AP3B2: variants seen among roughly 807,000 people sequenced by gnomAD.
The protein encoded by AP3B2 is AP-3 complex subunit beta-2.
AP3B2 carries 50 observed loss-of-function variants against 126.9 expected under a neutral mutation model. That is an observed-to-expected ratio of 0.39 (90% CI 0.31 to 0.50). The LOEUF is 0.50. Among genes scored for constraint, AP3B2 ranks in the 20% least tolerant of loss-of-function variants. The pLI is 0.79. For synonymous variants in AP3B2, 541 were observed against 565.0 expected (o/e 0.96, Z 0.60); for missense variants, 1,177 against 1,426.4 (o/e 0.83, Z 2.82).
At chr15:82,679,668 T>A in intron 10 of AP3B2, 61 bp downstream of exon 10, 1 of 1,502,692 alleles carries the variant, frequency 6.7e-7, no homozygotes, top group South Asian at 1.1e-5. Flanking sequence ...TGTGAGTTAT[T>A]TGAGTGGGTA....
intron 4 of AP3B2, chr15:82,688,323 G>T: frequency 1.5e-6 from 1 of 657,386 alleles, no homozygotes; most frequent in South Asian, 1.6e-5. Flanking sequence ...CAAAAGGTGA[G>T]AATGGTGTGG....
intron 14 of AP3B2, 126 bp downstream of exon 14, chr15:82,676,335 C>T: frequency 9.9e-7 from 1 of 1,010,070 alleles, no homozygotes. Flanking sequence ...GACCAGCCAC[C>T]TTCCCTGATT....
intron 1 of AP3B2, among the ~76,000 whole-genome samples, chr15:82,691,414 C>T (rs147724864): frequency 6.6e-6 from 1 of 152,116 alleles, no homozygotes; most frequent in African/African-American, 2.4e-5. Flanking sequence ...CAGAATGGGC[C>T]AACTCAGTCA....
At chr15:82,667,284 G>A (rs976433090) in intron 14 of AP3B2, among the ~76,000 whole-genome samples, 2 of 152,178 alleles carry the variant, frequency 1.3e-5, no homozygotes, top group Admixed American at 6.5e-5. Context: ...AGGGCAGCAG[G>A]GTATGTGGAA....
At chr15:82,671,966 C>A (rs2048166502) in intron 14 of AP3B2, among the ~76,000 whole-genome samples, 1 of 152,034 alleles carries the variant, frequency 6.6e-6, no homozygotes, top group Non-Finnish European at 1.5e-5. Flanking sequence ...ATCGTTTGAA[C>A]CTGGGAGGCG....
rs1300685482 is a variant in AP3B2, at chr15:82,688,890, C to G, written c.265-59G>C. 5 of 1,479,198 alleles carry G rather than the reference C, an allele frequency of 3.4e-6. No individual in the cohort carries two copies. In the East Asian group the frequency reaches 7.3e-5, roughly 22 times the overall value. 91.6% of individuals were successfully genotyped at this position (1,479,198 alleles called of 1,614,324 possible). A position where few individuals can be genotyped will look rare whatever the true frequency, so the allele number is the denominator to read the frequency against. ...CTCAGCAGGCACCTGTGCCCACCCC[C>G]CTACCCCTGGGATGTCATCTCCCCA... On this transcript the variant is annotated intron_variant, in intron 3 of 26. Transcript: ENST00000535359.
chr15:82,699,728 G>A lies in AP3B2; in HGVS notation c.113+9866C>T, dbSNP rs901646815. 1.3e-5 allele frequency: 5 copies of A among 399,444 alleles called. 1 individual carries two copies. In the Admixed American group the frequency reaches 1.3e-4, roughly 11 times the overall value. 24.7% of individuals were successfully genotyped at this position (399,444 alleles called of 1,614,324 possible). On this transcript the variant is annotated intron_variant, in intron 1 of 26. Coordinates refer to ENST00000535359, the MANE Select transcript of AP3B2 (RefSeq NM_001278512.2). ...TCTTCCTCCTGGGCCTGCAGCCACC[G>A]AAGCTCCTCAGGCTCCAAGGCCTGG...
At chr15:82,709,174 G>A (rs1011664367) in intron 1 of AP3B2, among the ~76,000 whole-genome samples, 6 of 152,038 alleles carry the variant, frequency 3.9e-5, no homozygotes, top group Admixed American at 1.3e-4. Context: ...TACATCCAGG[G>A]CCCGCCTTCC....
intron 14 of AP3B2, among the ~76,000 whole-genome samples, chr15:82,675,722 TTATTACAAA>T (rs1294516614): frequency 6.6e-6 from 1 of 152,194 alleles, no homozygotes; most frequent in Admixed American, 6.5e-5. Context: ...CAACAAAACT[TTATTACAAA>T]AACAGGAATA....
Position 82,665,483 on chromosome 15 carries a change from G to A in AP3B2, c.1945C>T (p.Pro649Ser), listed in dbSNP as rs2048041707. The change falls in exon 16 of 27, where the codon CCA (proline) becomes TCA (serine). Residue 649 changes from proline to serine, a missense_variant. Physicochemically the swap from Pro to Ser is moderately conservative, Grantham distance 74. Transcript: ENST00000535359. The surrounding 1 kb of genome is among the most constrained non-coding windows in gnomAD (Gnocchi z 4.4). ...QELPDWPEEAPDPSVRNVEEE... is the reference protein window; with the variant it reads ...QELPDWPEEASDPSVRNVEEE... ...TCCACGTTGCGCACAGATGGGTCTG[G>A]GGCTTCCTCCGGCCAGTCTGGGAGC... 8 of 1,613,480 alleles carry A rather than the reference G, an allele frequency of 5.0e-6. No individual in the cohort carries two copies. Among genetic ancestry groups the A allele is most frequent in the Non-Finnish European group, 5.9e-6 (7 of 1,179,840 alleles).
rs936923432 is a variant in AP3B2 at position 82,665,813 on chromosome 15, T to C, written c.1853-238A>G. 2.6e-5 allele frequency among the ~76,000 whole-genome samples: 4 copies of C among 152,112 alleles called. No individual in the cohort carries two copies. Among genetic ancestry groups the C allele is most frequent in the Non-Finnish European group, 5.9e-5 (4 of 68,012 alleles). ...GACTGAGGGCCAGGGAAAGGCAGCC[T>C]ACAGAGGTGGGCAGGAGGAGACTCT... On this transcript the variant is annotated intron_variant, in intron 15 of 26. Coordinates refer to ENST00000535359, the MANE Select transcript of AP3B2 (RefSeq NM_001278512.2). The surrounding 1 kb of genome is among the most constrained non-coding windows in gnomAD (Gnocchi z 4.4).
chr15:82,662,307 G>C (rs1298689051), intron 23 of AP3B2, 55 bp from the exon 24 acceptor site: 3 of 1,350,640 alleles, frequency 2.2e-6, no homozygotes, highest in Non-Finnish European at 3.1e-6. Flanking sequence ...CACCTGATAG[G>C]TCTAGAACCC....
chr15:82,690,999 C>T (rs1465706124), intron 1 of AP3B2, among the ~76,000 whole-genome samples: 1 of 152,180 alleles, frequency 6.6e-6, no homozygotes, highest in African/African-American at 2.4e-5. Flanking sequence ...GTTCTTAATC[C>T]AGTCTATCAC....
At chr15:82,701,017 C>T (rs2048713062) in intron 1 of AP3B2, among the ~76,000 whole-genome samples, 2 of 152,064 alleles carry the variant, frequency 1.3e-5, no homozygotes, top group Admixed American at 1.3e-4. Flanking sequence ...TGCGTTACCA[C>T]AACTGGCTAA....
At chr15:82,699,408 C>A (rs1004761283) in intron 1 of AP3B2, among the ~76,000 whole-genome samples, 8 of 152,142 alleles carry the variant, frequency 5.3e-5, no homozygotes, top group Admixed American at 3.3e-4. Flanking sequence ...TATCCTCCTC[C>A]CCTCAGAGCC....
At chr15:82,683,061 T>TC (rs1555467277) in intron 4 of AP3B2, among the ~76,000 whole-genome samples, 2 of 136,818 alleles carry the variant, frequency 1.5e-5, no homozygotes, top group African/African-American at 5.5e-5. Context: ...TTTTTTTTTT[T>TC]TTTTTTTTTT....
chr15:82,676,147 GC>G (rs781219958), intron 14 of AP3B2, among the ~76,000 whole-genome samples: 1 of 152,168 alleles, frequency 6.6e-6, no homozygotes, highest in Admixed American at 6.5e-5. Flanking sequence ...CCACTGTTGG[GC>G]CCTTCCCTTA....
intron 1 of AP3B2, chr15:82,699,485 A>G: frequency 2.5e-6 from 1 of 397,732 alleles, no homozygotes; most frequent in Non-Finnish European, 4.4e-6. Context: ...GCCCCTGACC[A>G]CCTTCTCCGC....
intron 14 of AP3B2, among the ~76,000 whole-genome samples, chr15:82,671,089 C>T (rs781378403): frequency 2.8e-4 from 43 of 151,968 alleles, no homozygotes; most frequent in Non-Finnish European, 5.4e-4. Flanking sequence ...TTGAGACCAG[C>T]CTGACCAACA....
Sources: allele counts gnomAD v4.1 joint callset (sites outside exome capture counted in the v4.1 genomes callset), GRCh38; gene constraint gnomAD v4.1.1; non-coding constraint Gnocchi (gnomAD v3.1); transcripts MANE v1.5; gene names NCBI Gene and HGNC (gene_info 2026-07-23, HGNC 2026-07-21).